The following PRDM14 variants were observed in gnomAD, a reference collection of about 807,000 sequenced individuals.
PRDM14 encodes the protein PR domain zinc finger protein 14.
PRDM14 carries 16 observed loss-of-function variants against 48.0 expected under a neutral mutation model. The ratio of observed to expected loss-of-function variants is 0.33; its 90% CI spans 0.23 to 0.51. The LOEUF (loss-of-function observed/expected upper bound fraction) is 0.51, where lower values mean the gene tolerates loss of function less well. Ranked by LOEUF, PRDM14 falls within the 20% of genes least tolerant of loss-of-function variation. The pLI is 0.97. For missense variants in PRDM14, 566 were observed against 719.6 expected, an observed-to-expected ratio of 0.79 and a Z score of 2.44; for synonymous variants, 264 against 276.6, an observed-to-expected ratio of 0.95 and a Z score of 0.45.
intron 5 of PRDM14, among the ~76,000 whole-genome samples, chr8:70,062,162 T>A (rs973604516): frequency 2.0e-5 from 3 of 152,214 alleles, no homozygotes; most frequent in Non-Finnish European, 2.9e-5. Context: ...TATGTCCTCA[T>A]AATAATGCTG....
At chr8:70,061,098 G>A (rs1805574881) in intron 5 of PRDM14, among the ~76,000 whole-genome samples, 1 of 152,208 alleles carries the variant, frequency 6.6e-6, no homozygotes, top group Non-Finnish European at 1.5e-5. Context: ...ATCAATGGAG[G>A]AGGGAGGAGG....
chr8:70,068,113 TG>T (rs1034814608), intron 4 of PRDM14, 116 bp downstream of exon 4: 4 of 1,146,778 alleles, frequency 3.5e-6, no homozygotes, highest in Non-Finnish European at 5.1e-6. Context: ...CACAGATATC[TG>T]CCCTGGATGT....
intron 5 of PRDM14, among the ~76,000 whole-genome samples, chr8:70,060,481 A>G (rs1459611958): frequency 1.3e-5 from 2 of 152,138 alleles, no homozygotes; most frequent in Non-Finnish European, 2.9e-5. Flanking sequence ...TTATAGAAAC[A>G]TATATGTACT....
chr8:70,052,060 C>G lies in PRDM14; in HGVS notation c.*17G>C. 6.4e-7 allele frequency: 1 copy of G among 1,553,508 alleles called. No homozygotes were observed. The highest frequency in any genetic ancestry group is 8.8e-7 in the Non-Finnish European group (1 of 1,136,406). On this transcript the variant is annotated 3_prime_UTR_variant, in exon 8 of 8. Coordinates refer to ENST00000276594, the MANE Select transcript of PRDM14 (RefSeq NM_024504.4). ...AAGTGCTGGGATTACAGGCGTGAGTCATTGTGCCTGGCAGGGCTAGTAGTC... is the reference window on the plus strand; with the variant it reads ...AAGTGCTGGGATTACAGGCGTGAGTGATTGTGCCTGGCAGGGCTAGTAGTC...
At chr8:70,054,518 T>A (rs1420042822) in intron 7 of PRDM14, among the ~76,000 whole-genome samples, 1 of 23,852 alleles carries the variant, frequency 4.2e-5, no homozygotes, top group Admixed American at 3.7e-4. Context: ...AATAGTGATT[T>A]TTTTTTTTTT....
chr8:70,066,685 G>T (rs1039507444), intron 4 of PRDM14, among the ~76,000 whole-genome samples, 180 bp from the exon 5 acceptor site: 1 of 152,024 alleles, frequency 6.6e-6, no homozygotes, highest in Non-Finnish European at 1.5e-5. Flanking sequence ...ACATAGATTT[G>T]TTAGTTTAAG....
In PRDM14 at chr8:70,069,337, C is replaced by T. The variant is rs1189892220; in HGVS notation, c.524G>A (p.Ser175Asn). 1.9e-6 allele frequency: 3 copies of T among 1,611,466 alleles called. No individual in the cohort carries two copies. The highest frequency in any genetic ancestry group is 2.7e-5 in the African/African-American group (2 of 75,008). ...TTTGGGACCATCCTCTGACTGCTTG[C>T]TGGGTGAGCAAGGTAATAACTGGGA... is the stretch of plus-strand genomic sequence containing the variant. ...RTSQLLPCSP[S>N]KQSEDGPKPS... The change falls in exon 2 of 8, where the codon AGC becomes AAC. Residue 175 changes from serine (S) to asparagine (N), a missense_variant. This residue lies in a region of PRDM14 where 410 missense variants were observed against 424.6 expected (regional missense o/e 0.97). Coordinates refer to ENST00000276594, the MANE Select transcript of PRDM14 (RefSeq NM_024504.4).
intron 5 of PRDM14, among the ~76,000 whole-genome samples, chr8:70,059,214 C>G (rs1462894179): frequency 6.6e-6 from 1 of 152,114 alleles, no homozygotes; most frequent in African/African-American, 2.4e-5. Flanking sequence ...CTTGGCCTCC[C>G]AAAGTGCTAG....
chr8:70,053,098 T>TAAAAAAAA (rs71275048), intron 7 of PRDM14, among the ~76,000 whole-genome samples: 1 of 82,170 alleles, frequency 1.2e-5, no homozygotes, highest in Non-Finnish European at 2.2e-5. Flanking sequence ...ACCCTCTCTT[T>TAAAAAAAA]AAAAAAAAAA....
intron 6 of PRDM14, among the ~76,000 whole-genome samples, chr8:70,056,133 T>G (rs555903184): frequency 6.6e-6 from 1 of 152,344 alleles, no homozygotes; most frequent in East Asian, 1.9e-4. Flanking sequence ...AACATGGTAA[T>G]GCACAGTAGC....
At position 70,060,697 on chromosome 8, in the gene PRDM14, G is replaced by A. The variant is rs546583561; in HGVS notation, c.1184-1855C>T. Among the ~76,000 whole-genome samples, 3 of 152,254 alleles carry A rather than the reference G, an allele frequency of 2.0e-5. No individual in the cohort carries two copies. The South Asian group carries it at 6.2e-4, about 32-fold the overall frequency. On this transcript the variant is annotated intron_variant, in intron 5 of 7. Transcript: ENST00000276594. ...TCCACCAGCCCCATTTAAGGGCAGT[G>A]CAACCCTGCAGCTCTTGAACACATT...
At chr8:70,069,073 C>G in intron 2 of PRDM14, 88 bp downstream of exon 2, 1 of 1,068,864 alleles carries the variant, frequency 9.4e-7, no homozygotes, top group Non-Finnish European at 1.3e-6. Context: ...AGCCTCAGCT[C>G]CACCTGGAAG....
At chr8:70,067,542 A>C (rs1287108208) in intron 4 of PRDM14, among the ~76,000 whole-genome samples, 4 of 152,046 alleles carry the variant, frequency 2.6e-5, no homozygotes, top group South Asian at 2.1e-4. Flanking sequence ...AAAAAAAAAA[A>C]AACAAAGAAA....
intron 2 of PRDM14, 85 bp downstream of exon 2, chr8:70,069,076 C>T (rs3750229): frequency 0.065 from 71,757 of 1,106,742 alleles, 5,254 homozygotes; most frequent in East Asian, 0.37. Context: ...CTCAGCTCCA[C>T]CTGGAAGCGC....
In PRDM14 at chr8:70,069,760, G is replaced by T; in HGVS notation, c.101C>A (p.Pro34Gln). 6.2e-7 allele frequency: 1 copy of T among 1,608,640 alleles called. No homozygotes were observed. The highest frequency in any genetic ancestry group is 8.5e-7 in the Non-Finnish European group (1 of 1,177,974). The change falls in exon 2 of 8, where the codon CCG becomes CAG. Residue 34 changes from proline (P) to glutamine (Q), a missense_variant. Physicochemically the swap from Pro to Gln is moderately conservative, Grantham distance 76. Around this residue, in one of 3 missense-constraint regions of PRDM14, gnomAD observed 410 missense variants for 424.6 expected, o/e 0.97. Transcript: ENST00000276594. Reference protein sequence around the residue: ...QNLAAYYTPFPSYGHYRNSLA... With the variant: ...QNLAAYYTPFQSYGHYRNSLA... ...GCTGTTTCTGTAGTGTCCATAGGAC[G>T]GGAAAGGCGTGTAGTACGCGGCCAG... is the stretch of plus-strand genomic sequence containing the variant.
intron 5 of PRDM14, among the ~76,000 whole-genome samples, chr8:70,060,769 C>T (rs1295037536): frequency 2.6e-5 from 4 of 152,136 alleles, no homozygotes; most frequent in Admixed American, 6.6e-5. Context: ...GCACTGAGGC[C>T]GACCTATTTC....
At chr8:70,062,620 T>G (rs1028278129) in intron 5 of PRDM14, among the ~76,000 whole-genome samples, 1 of 151,992 alleles carries the variant, frequency 6.6e-6, no homozygotes, top group Non-Finnish European at 1.5e-5. Flanking sequence ...TCTGCCACCA[T>G]GCCCAGCTAA....
chr8:70,058,405 G>A (rs1487379371), intron 6 of PRDM14, among the ~76,000 whole-genome samples: 1 of 152,132 alleles, frequency 6.6e-6, no homozygotes, highest in African/African-American at 2.4e-5. Context: ...GGTGGCCGTG[G>A]ACACTCCTTC....
rs1250722244 is a variant in PRDM14 at position 70,069,794 on chromosome 8, G to A, written c.67C>T (p.Pro23Ser). Residue 23 changes from proline to serine, a missense_variant, in exon 2 of 8, where the codon CCG becomes TCG. Physicochemically the swap from Pro to Ser is moderately conservative, Grantham distance 74. Transcript: ENST00000276594. ...DKVCYPPESS[P>S]QNLAAYYTPF... is the part of the protein sequence containing the mutation. Reference sequence around the variant, plus strand: ...GTGTAGTACGCGGCCAGGTTCTGCGGGCTGCTCTCCGGCGGGTAGCACACC... The same window carrying A: ...GTGTAGTACGCGGCCAGGTTCTGCGAGCTGCTCTCCGGCGGGTAGCACACC... 2 of 1,610,276 alleles carry A rather than the reference G, an allele frequency of 1.2e-6. No individual in the cohort carries two copies. Among genetic ancestry groups the A allele is most frequent in the Admixed American group, 1.7e-5 (1 of 59,674 alleles).
Sources: gnomAD v4.1 joint callset for allele counts (sites outside exome capture counted in the v4.1 genomes callset) on GRCh38, gnomAD v4.1.1 for gene constraint, gnomAD v4.1.1 regional missense constraint, MANE v1.5 for transcripts, NCBI Gene and HGNC (gene_info 2026-07-23, HGNC 2026-07-21) for gene names.